Variants in TRIM24 observed in about 807,000 individuals in gnomAD.
The protein encoded by TRIM24 is tripartite motif containing 24.
In TRIM24, 29 loss-of-function variants were observed where a neutral mutation model predicts 123.9. The observed-to-expected ratio is 0.23, with a 90% confidence interval of 0.17 to 0.32. TRIM24 has a LOEUF of 0.32. TRIM24 is among the 10% of genes least tolerant of loss of function. TRIM24 has a pLI of 1.00. For synonymous variants in TRIM24, 456 were observed against 461.1 expected (o/e 0.99, Z 0.14); for missense variants, 932 against 1,295.3 (o/e 0.72, Z 4.31).
At chr7:138,534,223 C>T (rs555161325) in intron 6 of TRIM24, among the ~76,000 whole-genome samples, 123 of 152,192 alleles carry the variant, frequency 8.1e-4, no homozygotes, top group Admixed American at 2.2e-3. Context: ...TTCAGTTCTG[C>T]TCTGATCTTA....
chr7:138,479,557 G>A (rs1795480123), intron 1 of TRIM24, among the ~76,000 whole-genome samples: 1 of 152,050 alleles, frequency 6.6e-6, no homozygotes, highest in Admixed American at 6.6e-5. Flanking sequence ...TTGTTGCCCA[G>A]GCTGGAGTGC....
At chr7:138,500,710 C>A (rs1445994403) in intron 1 of TRIM24, among the ~76,000 whole-genome samples, 3 of 150,392 alleles carry the variant, frequency 2.0e-5, no homozygotes, top group African/African-American at 7.4e-5. Flanking sequence ...CCAGTCTGTA[C>A]ATTAAAAAAA....
intron 1 of TRIM24, among the ~76,000 whole-genome samples, chr7:138,495,066 T>C (rs1381998581): frequency 6.6e-6 from 1 of 152,150 alleles, no homozygotes; most frequent in African/African-American, 2.4e-5. Flanking sequence ...TGCAGTACAA[T>C]GTTTTTTGCA....
intron 4 of TRIM24, among the ~76,000 whole-genome samples, chr7:138,521,045 A>T (rs187295579): frequency 1.1e-3 from 170 of 152,370 alleles, no homozygotes; most frequent in South Asian, 2.1e-3. Context: ...ATATTTTTAA[A>T]GTGCAAAAAG....
chr7:138,567,359 TTAA>T (rs2116662613), intron 9 of TRIM24, 119 bp from the exon 10 acceptor site: 1 of 910,372 alleles, frequency 1.1e-6, no homozygotes, highest in Admixed American at 3.2e-5. Flanking sequence ...TATGTAAATC[TTAA>T]TAATTGATTG....
In TRIM24 at chr7:138,525,308, A is replaced by G; in HGVS notation, c.832A>G (p.Met278Val). 2 of 1,524,970 alleles carry G rather than the reference A, an allele frequency of 1.3e-6. No homozygotes were observed. Among genetic ancestry groups the G allele is most frequent in the East Asian group, 2.5e-5 (1 of 39,494 alleles). The allele number at this position is 1,524,970 out of a possible 1,614,324, so 94.5% of individuals were successfully genotyped here. ...CATAGATACACTAATCACCAAACTGATGGAAAAAACAAAATACATAAAATT... is the reference window on the plus strand; with the variant it reads ...CATAGATACACTAATCACCAAACTGGTGGAAAAAACAAAATACATAAAATT... ...VIIDTLITKL[M>V]EKTKYIKFTG... The change falls in exon 5 of 19, where the codon ATG (methionine) becomes GTG (valine). Residue 278 changes from methionine (M) to valine (V), a missense_variant. By Grantham distance (21) the Met-to-Val change is conservative (BLOSUM62 1). Coordinates refer to ENST00000343526, the MANE Select transcript of TRIM24 (RefSeq NM_015905.3).
rs1374208375 is a variant in TRIM24 at position 138,460,296 on chromosome 7, G to C, written c.-253G>C. ...CGCCTCGGCGGTTGGCGAAGCGGAC[G>C]GGGTGCAGCCTCCCCGGTGCGAGGA... On this transcript the variant is annotated 5_prime_UTR_variant, in exon 1 of 19. Coordinates refer to ENST00000343526, the MANE Select transcript of TRIM24 (RefSeq NM_015905.3). 1 of 380,618 alleles carries C rather than the reference G, an allele frequency of 2.6e-6. No homozygotes were observed. Among genetic ancestry groups the C allele is most frequent in the Non-Finnish European group, 4.6e-6 (1 of 216,226 alleles). 23.6% of individuals were successfully genotyped at this position (380,618 alleles called of 1,614,324 possible). A position where few individuals can be genotyped will look rare whatever the true frequency, so the allele number is the denominator to read the frequency against.
chr7:138,571,465 A>G (rs763323118), intron 11 of TRIM24, among the ~76,000 whole-genome samples: 1 of 152,216 alleles, frequency 6.6e-6, no homozygotes, highest in Non-Finnish European at 1.5e-5. Context: ...CTTTCAAGCC[A>G]CCGGAGTTAA....
chr7:138,500,526 G>A (rs1022101202), intron 1 of TRIM24, among the ~76,000 whole-genome samples: 1 of 145,454 alleles, frequency 6.9e-6, no homozygotes, highest in Admixed American at 7.1e-5. Context: ...TCATGCTGCT[G>A]CATTCCAGCT....
At position 138,525,334 on chromosome 7, in the gene TRIM24, C is replaced by T. The variant is rs1402671538; in HGVS notation, c.858C>T (p.Phe286=). The change falls in exon 5 of 19, where the codon TTC becomes TTT. Residue 286 remains phenylalanine, a synonymous_variant. Coordinates refer to ENST00000343526, the MANE Select transcript of TRIM24 (RefSeq NM_015905.3). ...KLMEKTKYIK[F]TGNQIQNRII... The stretch of plus-strand genomic sequence containing the variant: ...TGGAAAAAACAAAATACATAAAATT[C>T]ACAGGAAATCAGATCCAAAACAGGT... The T allele has an allele frequency of 6.6e-7, 1 of 1,519,566 alleles. No individual in the cohort carries two copies. The highest frequency in any genetic ancestry group is 8.8e-7 in the Non-Finnish European group (1 of 1,135,576). The allele number at this position is 1,519,566 out of a possible 1,614,324, so 94.1% of individuals were successfully genotyped here. A position where few individuals can be genotyped will look rare whatever the true frequency, so the allele number is the denominator to read the frequency against.
intron 9 of TRIM24, among the ~76,000 whole-genome samples, chr7:138,562,592 C>T (rs944730215): frequency 6.6e-6 from 1 of 152,166 alleles, no homozygotes; most frequent in African/African-American, 2.4e-5. Context: ...GTGAACACCT[C>T]ATATGGCTTC....
chr7:138,511,607 A>G (rs1796290098), intron 2 of TRIM24, among the ~76,000 whole-genome samples: 1 of 152,124 alleles, frequency 6.6e-6, no homozygotes, highest in East Asian at 1.9e-4. Context: ...ACACTTTTAA[A>G]TGAACACATC....
chr7:138,576,517 T>C, intron 13 of TRIM24, 72 bp downstream of exon 13: 1 of 1,314,184 alleles, frequency 7.6e-7, no homozygotes, highest in Non-Finnish European at 1.1e-6. Context: ...GTGTTCAACA[T>C]GTTTTGATAC....
chr7:138,534,153 A>G (rs546291255), intron 6 of TRIM24, among the ~76,000 whole-genome samples: 1 of 151,956 alleles, frequency 6.6e-6, no homozygotes, highest in South Asian at 2.1e-4. Context: ...TGATCTTTTC[A>G]AAAAAACCAG....
chr7:138,583,166 C>G (rs965724885), intron 17 of TRIM24, among the ~76,000 whole-genome samples: 7 of 152,102 alleles, frequency 4.6e-5, no homozygotes, highest in African/African-American at 1.4e-4. Flanking sequence ...GGGATTAAAC[C>G]CAGATTCAAA....
chr7:138,508,724 T>TGTGTGTGTGTGCGC (rs1554436742), intron 2 of TRIM24, among the ~76,000 whole-genome samples: 1 of 148,724 alleles, frequency 6.7e-6, no homozygotes, highest in African/African-American at 2.5e-5. Flanking sequence ...TGTGTGCGTG[T>TGTGTGTGTGTGCGC]GTGTGTGTGT....
chr7:138,544,935 C>T (rs1797071162), intron 7 of TRIM24, among the ~76,000 whole-genome samples: 1 of 152,044 alleles, frequency 6.6e-6, no homozygotes, highest in South Asian at 2.1e-4. Flanking sequence ...CTGAAATTCT[C>T]CAAAATTCAA....
At chr7:138,577,844 G>A (rs1229489026) in intron 14 of TRIM24, among the ~76,000 whole-genome samples, 1 of 152,046 alleles carries the variant, frequency 6.6e-6, no homozygotes, top group Non-Finnish European at 1.5e-5. Flanking sequence ...TTATACCCAG[G>A]CAAATTATCA....
At position 138,563,566 on chromosome 7, in the gene TRIM24, G is replaced by C. The variant is rs573969167; in HGVS notation, c.1531-3915G>C. ...CTTGGTCACGGTTAATATACATCTT[G>C]GTGGCCACTCCTATAAGTTGGGTGG... On this transcript the variant is annotated intron_variant, in intron 9 of 18. Coordinates refer to ENST00000343526, the MANE Select transcript of TRIM24 (RefSeq NM_015905.3). 4.6e-5 allele frequency among the ~76,000 whole-genome samples: 7 copies of C among 152,188 alleles called. No homozygotes were observed. The South Asian group carries it at 1.5e-3, about 32-fold the overall frequency.
Sources: gnomAD v4.1 joint callset for allele counts (sites outside exome capture counted in the v4.1 genomes callset) on GRCh38, gnomAD v4.1.1 for gene constraint, MANE v1.5 for transcripts, NCBI Gene and HGNC (gene_info 2026-07-23, HGNC 2026-07-21) for gene names.